Variants in DDR2 observed in about 807,000 individuals in gnomAD.
DDR2 encodes discoidin domain receptor tyrosine kinase 2.
Under a neutral mutation model 94.9 loss-of-function variants are expected in DDR2, and 27 were observed. The ratio of observed to expected loss-of-function variants is 0.28; its 90% CI spans 0.21 to 0.39. DDR2 has a LOEUF of 0.39. Ranked by LOEUF, DDR2 falls within the 10% of genes least tolerant of loss-of-function variation. The pLI, the probability that DDR2 is intolerant of heterozygous loss-of-function variation, is 1.00. For synonymous variants in DDR2, 382 were observed against 377.2 expected, an observed-to-expected ratio of 1.01 and a Z score of -0.15; for missense variants, 783 against 1,076.0, an observed-to-expected ratio of 0.73 and a Z score of 3.81.
intron 1 of DDR2, among the ~76,000 whole-genome samples, chr1:162,650,014 C>T (rs1657607150): frequency 6.6e-6 from 1 of 152,186 alleles, no homozygotes; most frequent in Non-Finnish European, 1.5e-5. Context: ...AAAGGAAACA[C>T]AGCTATTCTC....
chr1:162,688,591 T>C (rs534693174), intron 2 of DDR2, among the ~76,000 whole-genome samples: 1 of 152,336 alleles, frequency 6.6e-6, no homozygotes, highest in East Asian at 1.9e-4. Context: ...TTTTAAGCTC[T>C]GCTAGTTGAA....
chr1:162,647,354 A>T (rs995652050), intron 1 of DDR2, among the ~76,000 whole-genome samples: 1 of 152,174 alleles, frequency 6.6e-6, no homozygotes, highest in African/African-American at 2.4e-5. Flanking sequence ...GACGTTTTCT[A>T]CTTAAATCAT....
rs1194740607 is a variant in DDR2 at position 162,729,280 on chromosome 1, T to TTA, written c.82+10155_82+10156dup. ...CTGTGCTCAAGCCAAGCATATCCAT[T>TTA]TATATATATATATATATATATTTTT... On this transcript the variant is annotated intron_variant, in intron 3 of 17. Coordinates refer to ENST00000367921, the MANE Select transcript of DDR2 (RefSeq NM_006182.4). Among the ~76,000 whole-genome samples the TTA allele has an allele frequency of 1.2e-3, 83 of 69,750 alleles. 1 individual carries two copies. Among genetic ancestry groups the TTA allele is most frequent in the Admixed American group, 2.5e-3 (14 of 5,698 alleles). 45.8% of individuals were successfully genotyped at this position (69,750 alleles called of 152,430 possible).
chr1:162,660,352 T>A (rs1658228868), intron 2 of DDR2, among the ~76,000 whole-genome samples: 1 of 149,602 alleles, frequency 6.7e-6, no homozygotes, highest in African/African-American at 2.5e-5. Context: ...CGGTGGGCAG[T>A]TGGGACCCCC....
intron 17 of DDR2, 135 bp downstream of exon 17, chr1:162,778,864 C>A: frequency 8.2e-7 from 1 of 1,215,622 alleles, no homozygotes; most frequent in East Asian, 2.5e-5. Flanking sequence ...ACTAACTATC[C>A]AGATGATGTG....
At chr1:162,656,523 C>G (rs1657973695) in intron 2 of DDR2, among the ~76,000 whole-genome samples, 1 of 151,900 alleles carries the variant, frequency 6.6e-6, no homozygotes, top group African/African-American at 2.4e-5. Context: ...CTTAGGTTTC[C>G]TTCTTCCCAC....
chr1:162,736,928 C>T (rs1181838441), intron 3 of DDR2, among the ~76,000 whole-genome samples: 2 of 152,182 alleles, frequency 1.3e-5, no homozygotes, highest in Non-Finnish European at 2.9e-5. Context: ...GGGGTAAGGA[C>T]AAGGTCCAAG....
intron 6 of DDR2, 152 bp from the exon 7 acceptor site, chr1:162,755,512 C>T (rs1177425147): frequency 1.1e-5 from 11 of 991,158 alleles, no homozygotes; most frequent in Non-Finnish European, 1.7e-5. Flanking sequence ...CGTTGACTGC[C>T]ATGGAGGGGC....
chr1:162,657,738 G>A (rs1028104736), intron 2 of DDR2, among the ~76,000 whole-genome samples: 3 of 151,984 alleles, frequency 2.0e-5, no homozygotes, highest in Admixed American at 6.5e-5. Context: ...CAGCACCGAC[G>A]GCCCCGTGCT....
intron 2 of DDR2, among the ~76,000 whole-genome samples, chr1:162,711,781 TAC>T (rs917444288): frequency 9.2e-5 from 14 of 151,754 alleles, no homozygotes; most frequent in East Asian, 2.0e-4. Context: ...TATATATATA[TAC>T]ACACACATAC....
chr1:162,750,064 T>C (rs1663103159), intron 3 of DDR2, among the ~76,000 whole-genome samples: 1 of 152,164 alleles, frequency 6.6e-6, no homozygotes, highest in Non-Finnish European at 1.5e-5. Flanking sequence ...ACTGGAAGCA[T>C]TCCCTTTGAA....
intron 2 of DDR2, among the ~76,000 whole-genome samples, chr1:162,685,254 A>G (rs1196826974): frequency 1.3e-5 from 2 of 152,218 alleles, no homozygotes; most frequent in Middle Eastern, 6.3e-3. Flanking sequence ...TATATTTAGA[A>G]CAGAGTGAAG....
intron 4 of DDR2, among the ~76,000 whole-genome samples, chr1:162,754,221 C>T (rs1663348985): frequency 6.6e-6 from 1 of 152,164 alleles, no homozygotes. Context: ...CCTACTATCC[C>T]TCCTCCCTAT....
At chr1:162,771,803 A>G (rs1285786116) in intron 12 of DDR2, among the ~76,000 whole-genome samples, 1 of 152,216 alleles carries the variant, frequency 6.6e-6, no homozygotes, top group Non-Finnish European at 1.5e-5. Flanking sequence ...GTTAATGATC[A>G]TGTATTATGA....
chr1:162,641,730 G>T (rs566505817), intron 1 of DDR2, among the ~76,000 whole-genome samples: 21 of 152,252 alleles, frequency 1.4e-4, no homozygotes, highest in Non-Finnish European at 2.6e-4. Flanking sequence ...ATGCCGTTAA[G>T]ATCAGCATCT....
intron 3 of DDR2, among the ~76,000 whole-genome samples, chr1:162,725,151 A>C (rs1001498802): frequency 1.3e-5 from 2 of 152,256 alleles, no homozygotes; most frequent in South Asian, 4.1e-4. Context: ...CAATAATCTT[A>C]TTAGTATTAG....
At chr1:162,680,956 G>A (rs1003992766) in intron 2 of DDR2, among the ~76,000 whole-genome samples, 7 of 152,162 alleles carry the variant, frequency 4.6e-5, no homozygotes, top group African/African-American at 1.7e-4. Context: ...TTTTCTGGGA[G>A]GAGTGTTGTG....
At chr1:162,650,725 A>G (rs528713305) in intron 1 of DDR2, among the ~76,000 whole-genome samples, 5 of 151,840 alleles carry the variant, frequency 3.3e-5, no homozygotes, top group African/African-American at 1.2e-4. Context: ...TCCTCTCCAC[A>G]TTATTATTAT....
intron 2 of DDR2, among the ~76,000 whole-genome samples, chr1:162,706,689 AGGAGCGG>A (rs1209300187): frequency 6.6e-6 from 1 of 152,164 alleles, no homozygotes; most frequent in African/African-American, 2.4e-5. Flanking sequence ...GAAAGTGGAG[AGGAGCGG>A]GCCTGGTAGG....
Sources: gnomAD v4.1 joint callset for allele counts (sites outside exome capture counted in the v4.1 genomes callset) on GRCh38, gnomAD v4.1.1 for gene constraint, MANE v1.5 for transcripts, NCBI Gene and HGNC (gene_info 2026-07-23, HGNC 2026-07-21) for gene names.